The following OR8B3 variants were observed in gnomAD, a reference collection of about 807,000 sequenced individuals.
The protein encoded by OR8B3 is olfactory receptor 8B3.
For missense variants in OR8B3, 278 were observed against 377.6 expected (o/e 0.74, Z 2.19); for synonymous variants, 102 against 135.4 (o/e 0.75, Z 1.71).
chr11:124,401,799 C>T (rs1860999222), upstream of OR8B3, among the ~76,000 whole-genome samples: 1 of 152,106 alleles, frequency 6.6e-6, no homozygotes, highest in African/African-American at 2.4e-5. Flanking sequence ...AGCAGTGGCC[C>T]TAGGATTTCT....
the OR8B3 span, chr11:124,404,468 T>A: frequency 1.3e-5 from 2 of 151,890 alleles, no homozygotes; most frequent in Non-Finnish European, 2.9e-5. Flanking sequence ...ATAAATAACT[T>A]ATTTTTTTCT....
chr11:124,400,225 A>G (rs1860970080), upstream of OR8B3, among the ~76,000 whole-genome samples: 1 of 152,172 alleles, frequency 6.6e-6, no homozygotes, highest in South Asian at 2.1e-4. Flanking sequence ...AGTAATTATT[A>G]TATGTATTTA....
the OR8B3 span, among the ~76,000 whole-genome samples, chr11:124,408,469 G>A: frequency 6.6e-6 from 1 of 152,114 alleles, no homozygotes; most frequent in Non-Finnish European, 1.5e-5. Context: ...AAATTTTATT[G>A]TAAGTGGCTC....
rs756506600 is a variant in OR8B3 at position 124,396,743 on chromosome 11, C to T, written c.609G>A (p.Val203=). Residue 203 remains valine, a synonymous_variant, in exon 2 of 2, where the codon GTG becomes GTA. Coordinates refer to ENST00000641139, the MANE Select transcript of OR8B3 (RefSeq NM_001005467.2). Reference sequence around the variant, plus strand: ...AACTGGGTACCATGATATTAATACCCACAACAATGAGAACAACCACCTCGT... The same window carrying T: ...AACTGGGTACCATGATATTAATACCTACAACAATGAGAACAACCACCTCGT... ...YVNEVVVLIV[V]GINIMVPSCT... is the part of the protein sequence containing the mutation. The T allele has an allele frequency of 6.2e-7, 1 of 1,613,742 alleles. No individual in the cohort carries two copies. The highest frequency in any genetic ancestry group is 8.5e-7 in the Non-Finnish European group (1 of 1,179,866).
At chr11:124,401,655 G>A (rs535664567), upstream of OR8B3, among the ~76,000 whole-genome samples, 7 of 152,314 alleles carry the variant, frequency 4.6e-5, no homozygotes, top group South Asian at 1.5e-3. Context: ...TGTATGCATT[G>A]TTAGAGTAAC....
At chr11:124,406,687 C>T in the OR8B3 span, among the ~76,000 whole-genome samples, 1 of 152,000 alleles carries the variant, frequency 6.6e-6, no homozygotes, top group Admixed American at 6.6e-5. Flanking sequence ...CTCTCTAATA[C>T]ATTGCTTTCG....
chr11:124,402,846 T>C (rs1861018034), upstream of OR8B3, among the ~76,000 whole-genome samples: 1 of 151,884 alleles, frequency 6.6e-6, no homozygotes, highest in Admixed American at 6.6e-5. Flanking sequence ...TTTTTTTTTT[T>C]TTATTGATCA....
chr11:124,405,066 A>G, the OR8B3 span: 1 of 152,048 alleles, frequency 6.6e-6, no homozygotes, highest in Admixed American at 6.5e-5. Flanking sequence ...TCACAAGGAT[A>G]AATTCAGTCA....
chr11:124,409,186 C>G, the OR8B3 span, among the ~76,000 whole-genome samples: 10 of 152,304 alleles, frequency 6.6e-5, no homozygotes, highest in East Asian at 1.9e-3. Context: ...AAAGTAATTA[C>G]TGAAAAGCAA....
upstream of OR8B3, among the ~76,000 whole-genome samples, chr11:124,399,693 C>A (rs1469356980): frequency 6.6e-6 from 1 of 152,192 alleles, no homozygotes; most frequent in East Asian, 1.9e-4. Flanking sequence ...AGTTTCCTCA[C>A]ATGGCGATGT....
rs764485838 is a variant in OR8B3, at chr11:124,396,854, G to A, written c.498C>T (p.Leu166=). 10 of 1,609,618 alleles carry A rather than the reference G, an allele frequency of 6.2e-6. No individual in the cohort carries two copies. The South Asian group carries it at 9.9e-5, about 16-fold the overall frequency. ...TGATGATATTAGCACTGCAGAAGGT[G>A]AGTCTAAGCATGCACCCGGTGTGGG... is the stretch of plus-strand genomic sequence containing the variant. ...ATAHTGCMLR[L]TFCSANIINH... Residue 166 remains leucine (L), a synonymous_variant, in exon 2 of 2, where the codon CTC becomes CTT. Coordinates refer to ENST00000641139, the MANE Select transcript of OR8B3 (RefSeq NM_001005467.2).
At chr11:124,402,354 C>T (rs1291915793), upstream of OR8B3, among the ~76,000 whole-genome samples, 1 of 152,110 alleles carries the variant, frequency 6.6e-6, no homozygotes, top group East Asian at 1.9e-4. Flanking sequence ...TTTAAACCTA[C>T]GTTTGAATGT....
chr11:124,405,244 G>A, the OR8B3 span: 1 of 152,154 alleles, frequency 6.6e-6, no homozygotes, highest in African/African-American at 2.4e-5. Flanking sequence ...GTGATCCAAG[G>A]AGGAAGAGTC....
At chr11:124,409,129 T>C in the OR8B3 span, among the ~76,000 whole-genome samples, 1,030 of 152,326 alleles carry the variant, frequency 6.8e-3, 8 homozygotes, top group African/African-American at 0.024. Context: ...AAATGAACTT[T>C]TTTGTTTAAA....
chr11:124,405,519 C>T, the OR8B3 span, among the ~76,000 whole-genome samples: 2 of 152,202 alleles, frequency 1.3e-5, no homozygotes, highest in Non-Finnish European at 2.9e-5. Context: ...TGCTCAACCT[C>T]GAGGGCCCTT....
At chr11:124,408,763 C>T in the OR8B3 span, among the ~76,000 whole-genome samples, 4 of 152,088 alleles carry the variant, frequency 2.6e-5, no homozygotes, top group African/African-American at 7.2e-5. Context: ...GCATGGAAGG[C>T]GCCTCCCCAT....
At chr11:124,408,057 T>A in the OR8B3 span, among the ~76,000 whole-genome samples, 3 of 152,334 alleles carry the variant, frequency 2.0e-5, no homozygotes, top group South Asian at 4.1e-4. Context: ...AAATGATGTA[T>A]GTATTAATGT....
intron 1 of OR8B3, among the ~76,000 whole-genome samples, chr11:124,397,635 A>C (rs890625145): frequency 6.6e-6 from 1 of 151,348 alleles, no homozygotes; most frequent in African/African-American, 2.4e-5. Context: ...CCTGCTGTTG[A>C]GCTTGGGTTA....
rs775882282 is a variant in OR8B3 at position 124,396,400 on chromosome 11, C to G, written c.*10G>C. The G allele has an allele frequency of 4.4e-6, 7 of 1,580,434 alleles. No homozygotes were observed. The Admixed American group carries it at 1.3e-4, about 30-fold the overall frequency. ...GTTCTTCAATCGTTTTACATTATTA[C>G]TGCTTCTAATTAGAATATATTTCTT... On this transcript the variant is annotated 3_prime_UTR_variant, in exon 2 of 2. Transcript: ENST00000641139.
Sources: gnomAD v4.1 joint callset for allele counts (sites outside exome capture counted in the v4.1 genomes callset) on GRCh38, gnomAD v4.1.1 for gene constraint, MANE v1.5 for transcripts, NCBI Gene and HGNC (gene_info 2026-07-23, HGNC 2026-07-21) for gene names.